PCSK2: variants seen among roughly 807,000 people sequenced by gnomAD.
PCSK2 encodes the protein neuroendocrine convertase 2.
A neutral mutation model predicts 69.7 loss-of-function variants in PCSK2; 14 were observed. The ratio of observed to expected loss-of-function variants is 0.20; its 90% CI spans 0.13 to 0.31. The LOEUF (loss-of-function observed/expected upper bound fraction) is 0.31, where lower values mean the gene tolerates loss of function less well. PCSK2 is among the 10% of genes least tolerant of loss of function. The probability of loss-of-function intolerance (pLI) is 1.00; values close to 1 mark genes in which losing one functional copy is unlikely to be tolerated. For missense variants in PCSK2, 544 were observed against 842.5 expected, an observed-to-expected ratio of 0.65 and a Z score of 4.39; for synonymous variants, 307 against 320.7, an observed-to-expected ratio of 0.96 and a Z score of 0.46.
chr20:17,394,812 C>G (rs563982986), intron 5 of PCSK2, among the ~76,000 whole-genome samples: 1 of 152,300 alleles, frequency 6.6e-6, no homozygotes, highest in South Asian at 2.1e-4. Context: ...GCTATAATCA[C>G]TTTTCCATAG....
intron 2 of PCSK2, among the ~76,000 whole-genome samples, chr20:17,325,419 C>A (rs1174040159): frequency 1.3e-5 from 2 of 152,222 alleles, no homozygotes; most frequent in Non-Finnish European, 2.9e-5. Context: ...GAAAGATGTT[C>A]TCTCATGACA....
chr20:17,363,792 C>G (rs753678359), intron 4 of PCSK2, among the ~76,000 whole-genome samples: 3 of 152,192 alleles, frequency 2.0e-5, no homozygotes, highest in Non-Finnish European at 2.9e-5. Flanking sequence ...TCACTATGTG[C>G]TAGACACTGC....
chr20:17,340,645 C>G (rs556179532), intron 2 of PCSK2, among the ~76,000 whole-genome samples: 1 of 152,148 alleles, frequency 6.6e-6, no homozygotes, highest in Non-Finnish European at 1.5e-5. Context: ...TTGTTACAAT[C>G]TTGATGTACA....
chr20:17,385,303 C>T (rs1435467126), intron 5 of PCSK2, among the ~76,000 whole-genome samples: 1 of 152,224 alleles, frequency 6.6e-6, no homozygotes, highest in Non-Finnish European at 1.5e-5. Context: ...CCAGTGACAG[C>T]TGTAGCACCT....
chr20:17,424,873 C>A (rs2032211311), intron 6 of PCSK2, among the ~76,000 whole-genome samples: 1 of 152,176 alleles, frequency 6.6e-6, no homozygotes, highest in South Asian at 2.1e-4. Context: ...TAACCTCCGA[C>A]TCCTAGGTTC....
chr20:17,475,534 G>A (rs1045827418), intron 11 of PCSK2, among the ~76,000 whole-genome samples: 1 of 151,936 alleles, frequency 6.6e-6, no homozygotes, highest in Non-Finnish European at 1.5e-5. Context: ...ATGGTGGGCT[G>A]TGGTCTTATT....
intron 6 of PCSK2, among the ~76,000 whole-genome samples, chr20:17,425,824 G>A (rs763778280): frequency 6.6e-5 from 10 of 152,178 alleles, no homozygotes; most frequent in Non-Finnish European, 1.5e-4. Context: ...AGGGGAAAGA[G>A]AGTGAATAAT....
intron 5 of PCSK2, 97 bp downstream of exon 5, chr20:17,369,374 ACATGCATG>A: frequency 1.1e-6 from 1 of 936,600 alleles, no homozygotes; most frequent in Admixed American, 1.8e-5. Flanking sequence ...ATGTCTATAC[ACATGCATG>A]CAAGTACAGG....
chr20:17,419,735 C>T (rs1000442732), intron 6 of PCSK2, among the ~76,000 whole-genome samples: 28 of 152,192 alleles, frequency 1.8e-4, no homozygotes, highest in Admixed American at 1.3e-3. Flanking sequence ...CAGCCCTGCT[C>T]ATTTTAGGTC....
chr20:17,470,924 T>C (rs1292520830), intron 11 of PCSK2, among the ~76,000 whole-genome samples: 1 of 152,156 alleles, frequency 6.6e-6, no homozygotes, highest in Non-Finnish European at 1.5e-5. Context: ...ATATAAGCAA[T>C]ATTTACAATT....
intron 2 of PCSK2, among the ~76,000 whole-genome samples, chr20:17,331,468 A>G (rs113704973): frequency 5.4e-4 from 83 of 152,304 alleles, no homozygotes; most frequent in African/African-American, 1.8e-3. Context: ...AATCCACCTG[A>G]CAAGTAAAGA....
chr20:17,255,631 G>A (rs543728565), intron 1 of PCSK2, among the ~76,000 whole-genome samples: 9 of 152,206 alleles, frequency 5.9e-5, no homozygotes, highest in African/African-American at 1.2e-4. Context: ...GTGAGCCACC[G>A]CACCCAGCCT....
intron 5 of PCSK2, among the ~76,000 whole-genome samples, chr20:17,384,069 G>T (rs1002683725): frequency 2.6e-5 from 4 of 152,106 alleles, no homozygotes; most frequent in Admixed American, 6.5e-5. Flanking sequence ...CTCTCATTTT[G>T]ATATTTGGGG....
intron 2 of PCSK2, among the ~76,000 whole-genome samples, chr20:17,345,192 G>T (rs527765912): frequency 2.4e-4 from 36 of 152,246 alleles, no homozygotes; most frequent in African/African-American, 8.4e-4. Flanking sequence ...GGTCATTGGA[G>T]GCTTTCTTTG....
chr20:17,437,941 T>G (rs1229245884), intron 8 of PCSK2, among the ~76,000 whole-genome samples: 1 of 152,120 alleles, frequency 6.6e-6, no homozygotes, highest in Non-Finnish European at 1.5e-5. Flanking sequence ...ACCCCTAGGC[T>G]TACGCAGTCT....
intron 2 of PCSK2, among the ~76,000 whole-genome samples, chr20:17,267,394 A>T (rs933594619): frequency 4.6e-5 from 7 of 152,202 alleles, no homozygotes; most frequent in Non-Finnish European, 1.0e-4. Flanking sequence ...AGGTATGCAT[A>T]AGAAGCAGGG....
chr20:17,427,695 G>A (rs746315314), intron 6 of PCSK2, among the ~76,000 whole-genome samples: 3 of 152,224 alleles, frequency 2.0e-5, no homozygotes, highest in Non-Finnish European at 4.4e-5. Context: ...GGCTAGGCTT[G>A]TCTTGGCTGA....
At position 17,402,449 on chromosome 20, in the gene PCSK2, T is replaced by C. The variant is rs1337468475; in HGVS notation, c.544-6814T>C. ...GGGAGGCTGAGGCAGGCAGATCACT[T>C]GACGTCTGGAGTTCGAGACCAGCCT... On this transcript the variant is annotated intron_variant, in intron 5 of 11. Coordinates refer to ENST00000262545, the MANE Select transcript of PCSK2 (RefSeq NM_002594.5). Among the ~76,000 whole-genome samples the C allele has an allele frequency of 2.0e-5, 3 of 148,906 alleles. No homozygotes were observed. The East Asian group carries it at 6.1e-4, about 30-fold the overall frequency.
chr20:17,413,057 G>A (rs2031914201), intron 6 of PCSK2, among the ~76,000 whole-genome samples: 1 of 152,202 alleles, frequency 6.6e-6, no homozygotes, highest in African/African-American at 2.4e-5. Flanking sequence ...GGAACAACCA[G>A]TACCAGCCAC....
Sources: allele counts gnomAD v4.1 joint callset (sites outside exome capture counted in the v4.1 genomes callset), GRCh38; gene constraint gnomAD v4.1.1; transcripts MANE v1.5; gene names NCBI Gene and HGNC (gene_info 2026-07-23, HGNC 2026-07-21).